The following WIPF1 variants were observed in gnomAD, a reference collection of about 807,000 sequenced individuals.
WIPF1 encodes WAS/WASL-interacting protein family member 1.
WIPF1 carries 13 observed loss-of-function variants against 35.4 expected under a neutral mutation model. That is an observed-to-expected ratio of 0.37 (90% confidence interval 0.24 to 0.58). The LOEUF (loss-of-function observed/expected upper bound fraction) is 0.58. WIPF1 is among the 20% of genes least tolerant of loss of function. WIPF1 has a pLI of 0.74. For synonymous variants in WIPF1, 267 were observed against 266.3 expected (o/e 1.00, Z -0.02); for missense variants, 591 against 667.0 (o/e 0.89, Z 1.25).
At chr2:174,663,451 C>T (rs1337389190) in intron 1 of WIPF1, among the ~76,000 whole-genome samples, 2 of 152,140 alleles carry the variant, frequency 1.3e-5, no homozygotes, top group Non-Finnish European at 2.9e-5. Context: ...CATTATGGTC[C>T]CCTCCACGCA....
intron 1 of WIPF1, among the ~76,000 whole-genome samples, chr2:174,615,373 A>C: frequency 6.6e-6 from 1 of 152,220 alleles, no homozygotes. Context: ...GAACATAACA[A>C]TCACTATAAA....
intron 1 of WIPF1, among the ~76,000 whole-genome samples, chr2:174,603,000 A>G (rs1257485932): frequency 6.6e-6 from 1 of 152,218 alleles, no homozygotes; most frequent in Non-Finnish European, 1.5e-5. Context: ...TTGGCCCTAG[A>G]GACTTCTGGT....
chr2:174,567,526 C>A (rs1377562337), intron 6 of WIPF1, among the ~76,000 whole-genome samples: 1 of 152,242 alleles, frequency 6.6e-6, no homozygotes, highest in Non-Finnish European at 1.5e-5. Context: ...AGGCCTCTTA[C>A]CTACAGTGAA....
intron 2 of WIPF1, among the ~76,000 whole-genome samples, chr2:174,583,807 G>A (rs1685312853): frequency 6.6e-6 from 1 of 152,022 alleles, no homozygotes; most frequent in South Asian, 2.1e-4. Context: ...CCATGTGAAG[G>A]ACCAACTTTT....
intron 3 of WIPF1, among the ~76,000 whole-genome samples, chr2:174,578,686 T>A (rs1685141539): frequency 6.6e-6 from 1 of 152,238 alleles, no homozygotes; most frequent in African/African-American, 2.4e-5. Flanking sequence ...AGGTTTATCA[T>A]AAATTTGTGT....
rs892930425 is a variant in WIPF1 at position 174,638,776 on chromosome 2, C to T, written c.-39+43998G>A. On this transcript the variant is annotated intron_variant, in intron 1 of 8. Transcript: ENST00000272746. ...AGTATTCTATTGTGTATATATACCACGTTTTATTTGTTGGACATTTACGCA... is the reference window on the plus strand; with the variant it reads ...AGTATTCTATTGTGTATATATACCATGTTTTATTTGTTGGACATTTACGCA... Among the ~76,000 whole-genome samples, 4 of 152,224 alleles carry T rather than the reference C, an allele frequency of 2.6e-5. No individual in the cohort carries two copies. The South Asian group carries it at 8.3e-4, about 32-fold the overall frequency.
intron 6 of WIPF1, 130 bp downstream of exon 6, chr2:174,567,727 ATAGT>A (rs1475932795): frequency 6.4e-6 from 6 of 937,900 alleles, no homozygotes; most frequent in South Asian, 2.4e-5. Flanking sequence ...GAATGGTTAG[ATAGT>A]TAGATCAGTG....
At chr2:174,681,190 A>G (rs933469872) in intron 1 of WIPF1, among the ~76,000 whole-genome samples, 1 of 152,226 alleles carries the variant, frequency 6.6e-6, no homozygotes, top group African/African-American at 2.4e-5. Flanking sequence ...AGGGAGGAAG[A>G]CAATATTACG....
intron 1 of WIPF1, among the ~76,000 whole-genome samples, chr2:174,664,265 GA>G (rs1247381903): frequency 6.6e-6 from 1 of 152,180 alleles, no homozygotes; most frequent in Non-Finnish European, 1.5e-5. Flanking sequence ...GCTTGCTTTT[GA>G]GAAAGCCAGC....
At chr2:174,567,517 G>C (rs1013766066) in intron 6 of WIPF1, among the ~76,000 whole-genome samples, 6 of 152,222 alleles carry the variant, frequency 3.9e-5, no homozygotes, top group Non-Finnish European at 7.3e-5. Context: ...CAGGCCGTCA[G>C]GCCTCTTACC....
chr2:174,586,025 C>G (rs1685408700), intron 1 of WIPF1, among the ~76,000 whole-genome samples: 1 of 152,196 alleles, frequency 6.6e-6, no homozygotes, highest in Non-Finnish European at 1.5e-5. Flanking sequence ...CTCCCACCCC[C>G]TCTGGCTTTC....
intron 2 of WIPF1, among the ~76,000 whole-genome samples, chr2:174,584,401 C>G (rs1685335350): frequency 6.6e-6 from 1 of 152,088 alleles, no homozygotes. Flanking sequence ...CTCATGGAAA[C>G]CTGGGGCAAG....
chr2:174,657,998 GC>G (rs1687683190), intron 1 of WIPF1, among the ~76,000 whole-genome samples: 1 of 150,522 alleles, frequency 6.6e-6, no homozygotes, highest in Non-Finnish European at 1.5e-5. Flanking sequence ...TTGACTAGAT[GC>G]CCCCTCGGAT....
intron 1 of WIPF1, among the ~76,000 whole-genome samples, chr2:174,602,941 G>C (rs1408675481): frequency 1.3e-5 from 2 of 152,178 alleles, no homozygotes; most frequent in African/African-American, 2.4e-5. Flanking sequence ...ATTCCAGACA[G>C]AGGAAAAGCA....
chr2:174,595,452 G>T (rs1439513846), intron 1 of WIPF1, among the ~76,000 whole-genome samples: 2 of 152,082 alleles, frequency 1.3e-5, no homozygotes, highest in Non-Finnish European at 2.9e-5. Flanking sequence ...CTTAGCTTAT[G>T]TAAGTCCGGT....
At chr2:174,564,256 A>G (rs1468008613) in intron 7 of WIPF1, among the ~76,000 whole-genome samples, 1 of 152,206 alleles carries the variant, frequency 6.6e-6, no homozygotes, top group Non-Finnish European at 1.5e-5. Flanking sequence ...AACATGCCTA[A>G]TGCTGGAAAT....
At chr2:174,630,982 A>C (rs1687002467) in intron 1 of WIPF1, among the ~76,000 whole-genome samples, 1 of 152,204 alleles carries the variant, frequency 6.6e-6, no homozygotes, top group Non-Finnish European at 1.5e-5. Flanking sequence ...CTGAAGAAAA[A>C]TGATAATGAT....
chr2:174,657,178 A>T (rs930055706), intron 1 of WIPF1, among the ~76,000 whole-genome samples: 2 of 152,264 alleles, frequency 1.3e-5, no homozygotes, highest in Admixed American at 6.5e-5. Context: ...TCCTGAAAGA[A>T]AAAAATCATT....
chr2:174,613,486 C>T (rs115478844), intron 1 of WIPF1, among the ~76,000 whole-genome samples: 179 of 152,310 alleles, frequency 1.2e-3, no homozygotes, highest in Non-Finnish European at 2.0e-3. Context: ...TTCCACCTGG[C>T]TCTTCCCAAG....
Sources: allele counts gnomAD v4.1 joint callset (sites outside exome capture counted in the v4.1 genomes callset), GRCh38; gene constraint gnomAD v4.1.1; transcripts MANE v1.5; gene names NCBI Gene and HGNC (gene_info 2026-07-23, HGNC 2026-07-21).